The following DPF3 variants were observed in gnomAD, a reference collection of about 807,000 sequenced individuals.
DPF3 encodes zinc finger protein DPF3.
A neutral mutation model predicts 56.8 loss-of-function variants in DPF3; 18 were observed. The observed-to-expected ratio is 0.32, with a 90% CI of 0.22 to 0.47. The LOEUF is 0.47. DPF3 is among the 20% of genes least tolerant of loss of function. The pLI is 1.00. For synonymous variants in DPF3, 188 were observed against 180.2 expected, an observed-to-expected ratio of 1.04 and a Z score of -0.35; for missense variants, 403 against 488.8, an observed-to-expected ratio of 0.82 and a Z score of 1.65.
chr14:72,756,599 G>T (rs180896313), intron 2 of DPF3, among the ~76,000 whole-genome samples: 1 of 152,224 alleles, frequency 6.6e-6, no homozygotes, highest in Non-Finnish European at 1.5e-5. Context: ...GATCACTGAA[G>T]CCCAGGAGTT....
chr14:72,643,301 C>A (rs1374668219), intron 8 of DPF3, among the ~76,000 whole-genome samples: 2 of 152,228 alleles, frequency 1.3e-5, no homozygotes, highest in Non-Finnish European at 2.9e-5. Context: ...TCCATTTGCA[C>A]CACATAAGGG....
At chr14:72,669,948 A>G in intron 8 of DPF3, 1 of 985,930 alleles carries the variant, frequency 1.0e-6, no homozygotes, top group Non-Finnish European at 1.2e-6. Context: ...TAGCCAAGAC[A>G]TACCTTTTGA....
intron 1 of DPF3, among the ~76,000 whole-genome samples, chr14:72,827,498 T>G (rs1385982343): frequency 7.5e-6 from 1 of 133,348 alleles, no homozygotes; most frequent in Non-Finnish European, 1.6e-5. Flanking sequence ...CTTTTTTTTT[T>G]TTTTTTTTTT....
chr14:72,879,628 G>C (rs1484598325), intron 1 of DPF3, among the ~76,000 whole-genome samples: 2 of 152,126 alleles, frequency 1.3e-5, no homozygotes, highest in East Asian at 3.9e-4. Flanking sequence ...GGACAGGGTG[G>C]AGGTGGAGGA....
intron 1 of DPF3, among the ~76,000 whole-genome samples, chr14:72,883,467 T>C (rs1886394231): frequency 6.6e-6 from 1 of 152,012 alleles, no homozygotes; most frequent in African/African-American, 2.4e-5. Flanking sequence ...CACTCCAGCC[T>C]GGGTGAGAGT....
At chr14:72,826,534 C>T (rs1422512410) in intron 1 of DPF3, among the ~76,000 whole-genome samples, 1 of 152,182 alleles carries the variant, frequency 6.6e-6, no homozygotes, top group African/African-American at 2.4e-5. Flanking sequence ...GGAAGAAGCC[C>T]TCTTTTCAGC....
chr14:72,774,481 T>G (rs1025593350), intron 1 of DPF3, among the ~76,000 whole-genome samples: 2 of 152,054 alleles, frequency 1.3e-5, no homozygotes, highest in African/African-American at 4.8e-5. Context: ...AAAGCAAAGT[T>G]TTAAATGCAC....
At chr14:72,693,550 C>A (rs1274098984) in intron 6 of DPF3, among the ~76,000 whole-genome samples, 1 of 152,226 alleles carries the variant, frequency 6.6e-6, no homozygotes, top group Admixed American at 6.5e-5. Context: ...ACAGTACTTA[C>A]CTCACAGGGT....
At chr14:72,740,687 A>G (rs1368364181) in intron 3 of DPF3, among the ~76,000 whole-genome samples, 2 of 152,226 alleles carry the variant, frequency 1.3e-5, no homozygotes, top group East Asian at 1.9e-4. Context: ...AGGGCAGGGA[A>G]AAAGATCTAG....
intron 2 of DPF3, among the ~76,000 whole-genome samples, chr14:72,767,489 A>G (rs1891334532): frequency 1.3e-5 from 2 of 152,192 alleles, no homozygotes; most frequent in African/African-American, 4.8e-5. Context: ...TGTAACAAAA[A>G]ATAAAAAAGC....
intron 2 of DPF3, among the ~76,000 whole-genome samples, chr14:72,768,126 A>G (rs1282555121): frequency 6.6e-6 from 1 of 152,314 alleles, no homozygotes; most frequent in Middle Eastern, 3.4e-3. Context: ...TTACCATCAG[A>G]TTTACTCTAA....
rs775147365 is a variant in DPF3 at position 72,618,019 on chromosome 14, C to G, written c.*1278G>C. ...GGGCTATCTTCCAACACACAGAGTT[C>G]TCGGAAGCTCAGCCTCCCCACCTCT... On this transcript the variant is annotated 3_prime_UTR_variant, in exon 11 of 11. Coordinates refer to ENST00000556509, the MANE Select transcript of DPF3 (RefSeq NM_001280542.3). 3.9e-5 allele frequency among the ~76,000 whole-genome samples: 6 copies of G among 152,070 alleles called. No homozygotes were observed. The highest frequency in any genetic ancestry group is 5.9e-5 in the Non-Finnish European group (4 of 68,026).
chr14:72,878,572 TA>T (rs1886204836), intron 1 of DPF3, among the ~76,000 whole-genome samples: 1 of 152,160 alleles, frequency 6.6e-6, no homozygotes, highest in Non-Finnish European at 1.5e-5. Flanking sequence ...TTCTCTATCT[TA>T]AAAACTCAAA....
intron 1 of DPF3, among the ~76,000 whole-genome samples, chr14:72,774,497 T>C (rs1316477979): frequency 6.6e-6 from 1 of 152,124 alleles, no homozygotes; most frequent in Non-Finnish European, 1.5e-5. Context: ...TGCACTTTTC[T>C]ATACTCTTTT....
At chr14:72,794,592 A>T (rs76383364) in intron 1 of DPF3, among the ~76,000 whole-genome samples, 6,116 of 152,132 alleles carry the variant, frequency 0.04, 433 homozygotes, top group African/African-American at 0.14. Context: ...AAGGGCATCC[A>T]TTGCCTTTGT....
At chr14:72,694,310 A>G (rs1310838059) in intron 6 of DPF3, among the ~76,000 whole-genome samples, 1 of 118,842 alleles carries the variant, frequency 8.4e-6, no homozygotes, top group East Asian at 1.2e-3. Context: ...ATCAGAGCAA[A>G]CCAACCTGCT....
At chr14:72,812,967 G>A (rs1883124590) in intron 1 of DPF3, among the ~76,000 whole-genome samples, 2 of 152,170 alleles carry the variant, frequency 1.3e-5, no homozygotes, top group South Asian at 4.1e-4. Context: ...GGAACTTGCA[G>A]GCAGGGTCCC....
chr14:72,659,154 G>A (rs1018636218), intron 8 of DPF3, among the ~76,000 whole-genome samples: 23 of 152,140 alleles, frequency 1.5e-4, no homozygotes, highest in Admixed American at 5.2e-4. Context: ...CTGAGACTGA[G>A]CCTCAAGGGC....
At chr14:72,799,973 TGTTA>T (rs944471907) in intron 1 of DPF3, among the ~76,000 whole-genome samples, 4 of 152,186 alleles carry the variant, frequency 2.6e-5, no homozygotes, top group African/African-American at 9.7e-5. Context: ...ACTCACGAGC[TGTTA>T]GTTACATGAG....
Sources: gnomAD v4.1 joint callset for allele counts (sites outside exome capture counted in the v4.1 genomes callset) on GRCh38, gnomAD v4.1.1 for gene constraint, MANE v1.5 for transcripts, NCBI Gene and HGNC (gene_info 2026-07-23, HGNC 2026-07-21) for gene names.